The following KSR1 variants were observed in gnomAD, a reference collection of about 807,000 sequenced individuals.
The protein encoded by KSR1 is kinase suppressor of ras.
A neutral mutation model predicts 92.9 loss-of-function variants in KSR1; 35 were observed. The ratio of observed to expected loss-of-function variants is 0.38; its 90% CI spans 0.29 to 0.50. The LOEUF is 0.50. Among genes scored for constraint, KSR1 ranks in the 20% least tolerant of loss-of-function variants. KSR1 has a pLI of 0.94. For missense variants in KSR1, 972 were observed against 1,158.5 expected, an observed-to-expected ratio of 0.84 and a Z score of 2.34; for synonymous variants, 467 against 472.6, an observed-to-expected ratio of 0.99 and a Z score of 0.15.
chr17:27,474,196 T>C (rs752795235), intron 1 of KSR1, among the ~76,000 whole-genome samples: 3 of 152,236 alleles, frequency 2.0e-5, no homozygotes, highest in Non-Finnish European at 4.4e-5. Context: ...CTGGCCCTGT[T>C]TGGTTTAAGC....
chr17:27,607,414 A>G (rs2073788982), intron 14 of KSR1, among the ~76,000 whole-genome samples: 1 of 151,896 alleles, frequency 6.6e-6, no homozygotes, highest in Non-Finnish European at 1.5e-5. Context: ...AGTCACCTTG[A>G]CGCCCCTAAC....
chr17:27,479,059 TC>T (rs1279467308), intron 1 of KSR1, among the ~76,000 whole-genome samples: 3 of 147,958 alleles, frequency 2.0e-5, no homozygotes, highest in Admixed American at 6.7e-5. Flanking sequence ...TGCTCCTCCC[TC>T]CATCTATGCT....
At chr17:27,538,523 G>A (rs2070833532) in intron 1 of KSR1, among the ~76,000 whole-genome samples, 1 of 152,218 alleles carries the variant, frequency 6.6e-6, no homozygotes, top group African/African-American at 2.4e-5. Flanking sequence ...TGAAAGTGGG[G>A]ACTGAATCAT....
chr17:27,558,357 T>C (rs2071690470), intron 2 of KSR1, among the ~76,000 whole-genome samples: 1 of 151,654 alleles, frequency 6.6e-6, no homozygotes, highest in Non-Finnish European at 1.5e-5. Context: ...GTGTTATCCA[T>C]AAAAATTCAT....
chr17:27,543,839 C>T lies in KSR1; in HGVS notation c.232-6729C>T, dbSNP rs575856180. On this transcript the variant is annotated intron_variant, in intron 1 of 20. Coordinates refer to ENST00000644974, the MANE Select transcript of KSR1 (RefSeq NM_001394583.1). ...CAGCTGGGTGGGTACAGGTCTTGGC[C>T]GTCTCGCCTTTAGAAGAAATATATC... Among the ~76,000 whole-genome samples, 41 of 152,260 alleles carry T rather than the reference C, an allele frequency of 2.7e-4. No individual in the cohort carries two copies. In the South Asian group the frequency reaches 7.1e-3, roughly 26 times the overall value.
chr17:27,524,315 C>T (rs2070160173), intron 1 of KSR1, among the ~76,000 whole-genome samples: 1 of 151,928 alleles, frequency 6.6e-6, no homozygotes, highest in South Asian at 2.1e-4. Flanking sequence ...TCTGCAAGAG[C>T]AGTTTTGGTG....
At chr17:27,566,696 T>A (rs2072089480) in intron 2 of KSR1, 1 of 397,152 alleles carries the variant, frequency 2.5e-6, no homozygotes, top group South Asian at 1.4e-4. Context: ...AAATCGCATG[T>A]TGGGGCAGAA....
intron 2 of KSR1, among the ~76,000 whole-genome samples, chr17:27,555,611 A>G (rs1346634048): frequency 6.6e-6 from 1 of 151,718 alleles, no homozygotes; most frequent in African/African-American, 2.4e-5. Flanking sequence ...TTTTTTACTA[A>G]CCCCACTTCT....
At chr17:27,592,300 C>A in intron 7 of KSR1, 61 bp from the exon 8 acceptor site, 2 of 1,356,608 alleles carry the variant, frequency 1.5e-6, no homozygotes, top group Non-Finnish European at 2.1e-6. Context: ...ACAGAGCTAC[C>A]CCTGTGTGCC....
intron 1 of KSR1, among the ~76,000 whole-genome samples, chr17:27,512,963 C>G (rs2069656145): frequency 6.6e-6 from 1 of 152,170 alleles, no homozygotes; most frequent in Non-Finnish European, 1.5e-5. Context: ...GACCTCTTCT[C>G]TTACTGCCAC....
intron 1 of KSR1, among the ~76,000 whole-genome samples, chr17:27,503,967 TG>T (rs2150986443): frequency 6.6e-6 from 1 of 152,322 alleles, no homozygotes; most frequent in Non-Finnish European, 1.5e-5. Context: ...TCCTGACAGA[TG>T]TACTCTAAGA....
intron 1 of KSR1, among the ~76,000 whole-genome samples, chr17:27,489,533 C>G (rs2068760189): frequency 6.6e-6 from 1 of 152,200 alleles, no homozygotes; most frequent in South Asian, 2.1e-4. Context: ...TTCATCCCCT[C>G]TTTAGACTAC....
At chr17:27,567,582 G>A (rs966699658) in intron 2 of KSR1, among the ~76,000 whole-genome samples, 1 of 152,216 alleles carries the variant, frequency 6.6e-6, no homozygotes, top group Admixed American at 6.5e-5. Flanking sequence ...ATTGCACAGG[G>A]CTCTGGGCCC....
intron 1 of KSR1, among the ~76,000 whole-genome samples, chr17:27,550,011 A>G (rs1335968661): frequency 6.6e-6 from 1 of 152,080 alleles, no homozygotes; most frequent in Non-Finnish European, 1.5e-5. Context: ...ATTAGCAATT[A>G]CCAACTCCCT....
intron 1 of KSR1, among the ~76,000 whole-genome samples, chr17:27,488,590 GGGAGGCCAAGACA>G (rs1172388042): frequency 6.6e-6 from 1 of 152,190 alleles, no homozygotes; most frequent in East Asian, 1.9e-4. Flanking sequence ...GGAGCACTTT[GGGAGGCCAAGACA>G]GGAGGATTGC....
At chr17:27,574,027 G>A (rs576308616) in intron 2 of KSR1, among the ~76,000 whole-genome samples, 1 of 152,288 alleles carries the variant, frequency 6.6e-6, no homozygotes, top group East Asian at 1.9e-4. Context: ...TCCCTCCCCA[G>A]CCCCATTAAA....
chr17:27,598,502 C>CA (rs1234364071), intron 10 of KSR1, among the ~76,000 whole-genome samples: 1 of 152,210 alleles, frequency 6.6e-6, no homozygotes, highest in African/African-American at 2.4e-5. Context: ...GCCTTCACCT[C>CA]AGCACGCACG....
At chr17:27,464,476 C>T (rs917489780) in intron 1 of KSR1, among the ~76,000 whole-genome samples, 7 of 152,080 alleles carry the variant, frequency 4.6e-5, no homozygotes, top group Non-Finnish European at 4.4e-5. Context: ...TGTGGTGGCT[C>T]ACACCTGTAA....
At chr17:27,598,689 T>C (rs2073434917) in intron 10 of KSR1, among the ~76,000 whole-genome samples, 1 of 152,192 alleles carries the variant, frequency 6.6e-6, no homozygotes, top group Non-Finnish European at 1.5e-5. Context: ...GCAAAGGGTG[T>C]GTTTGGAACA....
Sources: allele counts gnomAD v4.1 joint callset (sites outside exome capture counted in the v4.1 genomes callset), GRCh38; gene constraint gnomAD v4.1.1; transcripts MANE v1.5; gene names NCBI Gene and HGNC (gene_info 2026-07-23, HGNC 2026-07-21).